The following MAST2 variants were observed in gnomAD, a reference collection of about 807,000 sequenced individuals.
MAST2 encodes the protein microtubule associated serine/threonine kinase 2, also known as microtubule-associated serine/threonine-protein kinase 2.
In MAST2, 70 loss-of-function variants were observed where a neutral mutation model predicts 147.4. That is an observed-to-expected ratio of 0.47 (90% confidence interval 0.39 to 0.58). The LOEUF is 0.58. Among genes scored for constraint, MAST2 ranks in the 20% least tolerant of loss-of-function variants. The pLI, the probability that MAST2 is intolerant of heterozygous loss-of-function variation, is 0.00. For synonymous variants in MAST2, 869 were observed against 896.8 expected (o/e 0.97, Z 0.55); for missense variants, 2,080 against 2,302.3 (o/e 0.90, Z 1.98).
intron 12 of MAST2, 138 bp downstream of exon 12, chr1:46,022,220 T>G: frequency 2.9e-6 from 3 of 1,018,986 alleles, no homozygotes; most frequent in South Asian, 1.6e-5. Context: ...TTTTAGGAGA[T>G]ACCCTGTGAT....
intron 1 of MAST2, 26 bp from the exon 2 acceptor site, chr1:45,824,407 A>C (rs773095144): frequency 6.4e-7 from 1 of 1,562,282 alleles, no homozygotes; most frequent in Non-Finnish European, 8.7e-7. Context: ...TTAAAGACTC[A>C]TGTTTTACTC....
At chr1:45,882,702 G>A (rs146393815) in intron 4 of MAST2, among the ~76,000 whole-genome samples, 4 of 152,138 alleles carry the variant, frequency 2.6e-5, no homozygotes, top group Non-Finnish European at 5.9e-5. Flanking sequence ...CTGAGTTTTC[G>A]TAGACTCAAG....
chr1:45,898,931 T>C (rs1439269084), intron 4 of MAST2, among the ~76,000 whole-genome samples: 1 of 152,162 alleles, frequency 6.6e-6, no homozygotes, highest in Non-Finnish European at 1.5e-5. Flanking sequence ...AGGGCCATGC[T>C]CCATATGGGC....
chr1:45,843,236 TTTG>T (rs1645331083), intron 3 of MAST2, among the ~76,000 whole-genome samples: 1 of 152,150 alleles, frequency 6.6e-6, no homozygotes. Flanking sequence ...GTCTTTTTAG[TTTG>T]TTGGTAATGT....
intron 1 of MAST2, among the ~76,000 whole-genome samples, chr1:45,806,396 A>G (rs1400204744): frequency 1.3e-5 from 2 of 152,080 alleles, no homozygotes; most frequent in Admixed American, 6.6e-5. Flanking sequence ...TGTGATGGTT[A>G]CTAAAACTTA....
Position 46,031,040 on chromosome 1 carries a change from C to G in MAST2, c.2742C>G (p.Ser914=). The change falls in exon 23 of 29, where the codon TCC becomes TCG. Residue 914 remains serine (S), a synonymous_variant. Coordinates refer to ENST00000361297, the MANE Select transcript of MAST2 (RefSeq NM_015112.3). The surrounding 1 kb of genome is among the most constrained non-coding windows in gnomAD (Gnocchi z 4.1). ...AGCGGCTGTCGGTGTCTGAGTCATC[C>G]CACACAGAGAGTGACTCAAGCCCTC... ...LRKRLSVSES[S]HTESDSSPPM... is the part of the protein sequence containing the mutation. 1 of 1,613,724 alleles carries G rather than the reference C, an allele frequency of 6.2e-7. No homozygotes were observed. The highest frequency in any genetic ancestry group is 8.5e-7 in the Non-Finnish European group (1 of 1,179,812).
chr1:45,967,958 C>G (rs1175863753), intron 5 of MAST2, among the ~76,000 whole-genome samples: 3 of 152,164 alleles, frequency 2.0e-5, no homozygotes, highest in Non-Finnish European at 4.4e-5. Flanking sequence ...CATACCTAAT[C>G]ACATACATTG....
At chr1:45,889,322 G>A (rs1440189921) in intron 4 of MAST2, among the ~76,000 whole-genome samples, 3 of 152,088 alleles carry the variant, frequency 2.0e-5, no homozygotes, top group East Asian at 1.9e-4. Context: ...AAGTAGCTGG[G>A]ACCACAGGTG....
chr1:46,033,692 G>C (rs1318877433), intron 26 of MAST2, 110 bp from the exon 27 acceptor site: 5 of 1,393,140 alleles, frequency 3.6e-6, no homozygotes, highest in Non-Finnish European at 3.9e-6. Context: ...TTGGTGCAGG[G>C]ACAAAAAGCT....
chr1:45,878,843 A>T (rs1242943417), intron 3 of MAST2, among the ~76,000 whole-genome samples: 1 of 152,096 alleles, frequency 6.6e-6, no homozygotes, highest in Non-Finnish European at 1.5e-5. Flanking sequence ...AGAACTCGGT[A>T]AATGGAGAAG....
chr1:45,855,301 A>G (rs1645751632), intron 3 of MAST2, among the ~76,000 whole-genome samples: 1 of 148,512 alleles, frequency 6.7e-6, no homozygotes. Context: ...ATTATAAATC[A>G]CGATATCACA....
chr1:45,945,049 C>T (rs1235652323), intron 4 of MAST2, among the ~76,000 whole-genome samples: 1 of 152,118 alleles, frequency 6.6e-6, no homozygotes, highest in East Asian at 1.9e-4. Context: ...TTGTAATGCC[C>T]AGCATTTAGG....
chr1:45,957,833 GT>G (rs1659860180), intron 4 of MAST2, among the ~76,000 whole-genome samples: 1 of 152,188 alleles, frequency 6.6e-6, no homozygotes, highest in Non-Finnish European at 1.5e-5. Context: ...ATGATTCTGG[GT>G]TTTTCTTCAG....
chr1:46,028,729 C>G, intron 17 of MAST2, 39 bp from the exon 18 acceptor site: 1 of 1,611,606 alleles, frequency 6.2e-7, no homozygotes, highest in South Asian at 1.1e-5. Flanking sequence ...CAGTCAGCAG[C>G]CTCAGGAGGC....
intron 4 of MAST2, chr1:45,917,333 T>C (rs1455782682): frequency 7.3e-7 from 1 of 1,363,212 alleles, no homozygotes; most frequent in Middle Eastern, 2.1e-4. Context: ...TGTGGTACCT[T>C]GTCAGAATCT....
chr1:45,897,459 C>T (rs1648923937), intron 4 of MAST2, among the ~76,000 whole-genome samples: 1 of 152,128 alleles, frequency 6.6e-6, no homozygotes, highest in Non-Finnish European at 1.5e-5. Flanking sequence ...GTCCTAGGAC[C>T]ACTGCATCAG....
At chr1:45,991,106 A>T (rs536936473) in intron 5 of MAST2, among the ~76,000 whole-genome samples, 1 of 152,136 alleles carries the variant, frequency 6.6e-6, no homozygotes, top group South Asian at 2.1e-4. Flanking sequence ...TTTTTTGCAT[A>T]TGAACATTCA....
chr1:45,891,293 C>T (rs2148400378), intron 4 of MAST2, among the ~76,000 whole-genome samples: 1 of 152,068 alleles, frequency 6.6e-6, no homozygotes, highest in South Asian at 2.1e-4. Flanking sequence ...GGAGTTTGAG[C>T]CCAGCCTGGG....
chr1:45,980,356 G>C (rs568373993), intron 5 of MAST2, among the ~76,000 whole-genome samples: 1 of 151,372 alleles, frequency 6.6e-6, no homozygotes. Flanking sequence ...TAGCTATTGC[G>C]TTCTGTGCTC....
Sources: allele counts gnomAD v4.1 joint callset (sites outside exome capture counted in the v4.1 genomes callset), GRCh38; gene constraint gnomAD v4.1.1; non-coding constraint Gnocchi (gnomAD v3.1); transcripts MANE v1.5; gene names NCBI Gene and HGNC (gene_info 2026-07-23, HGNC 2026-07-21).